Variants in TMEM232 observed in about 807,000 individuals in gnomAD.
The protein encoded by TMEM232 is transmembrane protein 232.
In TMEM232, 80 loss-of-function variants were observed where a neutral mutation model predicts 78.8. The ratio of observed to expected loss-of-function variants is 1.01; its 90% confidence interval spans 0.85 to 1.22. The LOEUF is 1.22. Ranked by LOEUF, TMEM232 falls within the 50% of genes most tolerant of loss-of-function variation. The probability of loss-of-function intolerance (pLI) is 0.00; values close to 1 mark genes in which losing one functional copy is unlikely to be tolerated. For missense variants in TMEM232, 881 were observed against 742.2 expected (o/e 1.19, Z -2.17); for synonymous variants, 297 against 254.3 (o/e 1.17, Z -1.60).
intron 12 of TMEM232, among the ~76,000 whole-genome samples, chr5:110,457,465 CAT>C (rs1359305687): frequency 6.6e-6 from 1 of 152,012 alleles, no homozygotes; most frequent in Non-Finnish European, 1.5e-5. Context: ...TTTTTATACA[CAT>C]ACTTACCATA....
intron 11 of TMEM232, among the ~76,000 whole-genome samples, chr5:110,565,347 CA>C (rs930012138): frequency 2.1e-4 from 32 of 151,976 alleles, no homozygotes; most frequent in Admixed American, 1.9e-3. Context: ...GCCCCATTTT[CA>C]GAGAAGGAAA....
chr5:110,653,784 G>A (rs1433857572), intron 2 of TMEM232, among the ~76,000 whole-genome samples: 1 of 152,050 alleles, frequency 6.6e-6, no homozygotes, highest in Non-Finnish European at 1.5e-5. Context: ...TGCCATTCTG[G>A]GCATAGAGAG....
intron 12 of TMEM232, among the ~76,000 whole-genome samples, chr5:110,524,117 G>T (rs1345255650): frequency 3.3e-5 from 5 of 151,386 alleles, no homozygotes; most frequent in Non-Finnish European, 5.9e-5. Context: ...ACAAAAATTA[G>T]CCAGGCATGG....
At chr5:110,532,528 C>T (rs1341165889) in intron 11 of TMEM232, among the ~76,000 whole-genome samples, 2 of 152,014 alleles carry the variant, frequency 1.3e-5, no homozygotes, top group Non-Finnish European at 2.9e-5. Context: ...AACTCCCCAA[C>T]TCTGGTGCCA....
upstream of TMEM232, among the ~76,000 whole-genome samples, chr5:110,729,361 C>T (rs1450386007): frequency 1.3e-5 from 2 of 152,148 alleles, no homozygotes; most frequent in East Asian, 1.9e-4. Context: ...CTCACACAAA[C>T]GCATACCACC....
At chr5:110,612,516 T>G (rs887950018) in intron 8 of TMEM232, among the ~76,000 whole-genome samples, 3 of 152,128 alleles carry the variant, frequency 2.0e-5, no homozygotes, top group Admixed American at 6.6e-5. Context: ...CACATGGACA[T>G]CATAATTAGT....
chr5:110,709,756 T>C (rs933781829), intron 1 of TMEM232, among the ~76,000 whole-genome samples: 1 of 151,996 alleles, frequency 6.6e-6, no homozygotes, highest in Non-Finnish European at 1.5e-5. Flanking sequence ...GAGAATTTAT[T>C]GCTATAAATG....
In TMEM232 at chr5:110,419,946, C is replaced by A. The variant is rs1040864190; in HGVS notation, c.*634G>T. 1.3e-5 allele frequency among the ~76,000 whole-genome samples: 2 copies of A among 152,052 alleles called. No homozygotes were observed. The highest frequency in any genetic ancestry group is 2.9e-5 in the Non-Finnish European group (2 of 67,954). On this transcript the variant is annotated 3_prime_UTR_variant, in exon 14 of 14. Coordinates refer to ENST00000455884, the MANE Select transcript of TMEM232 (RefSeq NM_001039763.4). ...TTCCAGGTTCATAAGAATTCATTCT[C>A]ATAAACTCACAGAACAGAGTAAAAC...
chr5:110,612,868 C>T (rs1047348787), intron 8 of TMEM232, among the ~76,000 whole-genome samples: 1 of 152,002 alleles, frequency 6.6e-6, no homozygotes, highest in Non-Finnish European at 1.5e-5. Context: ...AAGTCTTTTG[C>T]GTTGACTTGA....
intron 12 of TMEM232, among the ~76,000 whole-genome samples, chr5:110,495,726 T>C (rs1418302974): frequency 6.6e-6 from 1 of 151,834 alleles, no homozygotes. Context: ...ATTGCTGAGA[T>C]ACTATGAAAA....
At chr5:110,698,734 C>T (rs1250648434) in intron 1 of TMEM232, among the ~76,000 whole-genome samples, 1 of 151,934 alleles carries the variant, frequency 6.6e-6, no homozygotes, top group African/African-American at 2.4e-5. Flanking sequence ...GCTAAGTTCT[C>T]CCTAGGGTTA....
intron 1 of TMEM232, among the ~76,000 whole-genome samples, chr5:110,711,831 G>C (rs1409465573): frequency 6.6e-6 from 1 of 152,156 alleles, no homozygotes; most frequent in Admixed American, 6.5e-5. Flanking sequence ...TCTGGGCCAG[G>C]TGTGGTGGCT....
At chr5:110,690,779 G>A (rs1324622193) in intron 1 of TMEM232, among the ~76,000 whole-genome samples, 1 of 152,124 alleles carries the variant, frequency 6.6e-6, no homozygotes, top group Non-Finnish European at 1.5e-5. Context: ...ATACACCATG[G>A]AATACTATGC....
rs1491283088 is a variant in TMEM232, at chr5:110,520,038, T to TGTAC, written c.1703+8549_1703+8550insGTAC. Among the ~76,000 whole-genome samples the TGTAC allele has an allele frequency of 7.9e-5, 11 of 139,940 alleles. No individual in the cohort carries two copies. The East Asian group carries it at 2.3e-3, about 29-fold the overall frequency. 91.8% of individuals were successfully genotyped at this position (139,940 alleles called of 152,430 possible). A position where few individuals can be genotyped will look rare whatever the true frequency, so the allele number is the denominator to read the frequency against. ...GGGTTAATGGTTTTATATATTTATG[T>TGTAC]ATATATATATATAGAGAGAGAGAGA... On this transcript the variant is annotated intron_variant, in intron 12 of 13. Transcript: ENST00000455884.
At chr5:110,697,432 G>T (rs889263715) in intron 1 of TMEM232, among the ~76,000 whole-genome samples, 3 of 152,102 alleles carry the variant, frequency 2.0e-5, no homozygotes, top group Admixed American at 6.6e-5. Flanking sequence ...GGCAACAAAA[G>T]CCAAAATTGA....
At chr5:110,679,465 G>A (rs1009591407) in intron 1 of TMEM232, among the ~76,000 whole-genome samples, 4 of 152,096 alleles carry the variant, frequency 2.6e-5, no homozygotes, top group Non-Finnish European at 4.4e-5. Context: ...ATTCCTCACA[G>A]TCTGTGCCTG....
At chr5:110,718,976 T>C (rs1797301304) in intron 1 of TMEM232, among the ~76,000 whole-genome samples, 1 of 152,030 alleles carries the variant, frequency 6.6e-6, no homozygotes, top group South Asian at 2.1e-4. Context: ...GATGGAGATA[T>C]GTTCTGAGAA....
At chr5:110,522,312 T>C (rs1295330492) in intron 12 of TMEM232, among the ~76,000 whole-genome samples, 3 of 152,124 alleles carry the variant, frequency 2.0e-5, no homozygotes, top group Admixed American at 2.0e-4. Context: ...CTTCTAACAG[T>C]TTTTTGGTGG....
chr5:110,400,264 C>T (rs1339522803), intron 2 of TMEM232, among the ~76,000 whole-genome samples: 1 of 151,998 alleles, frequency 6.6e-6, no homozygotes, highest in Admixed American at 6.6e-5. Context: ...CGATATTGAG[C>T]CAATGATTTA....
Sources: gnomAD v4.1 joint callset for allele counts (sites outside exome capture counted in the v4.1 genomes callset) on GRCh38, gnomAD v4.1.1 for gene constraint, MANE v1.5 for transcripts, NCBI Gene and HGNC (gene_info 2026-07-23, HGNC 2026-07-21) for gene names.